Variants in GNA15 observed in about 807,000 individuals in gnomAD.
The protein encoded by GNA15 is guanine nucleotide-binding protein subunit alpha-15.
GNA15 carries 23 observed loss-of-function variants against 40.1 expected under a neutral mutation model. That is an observed-to-expected ratio of 0.57 (90% CI 0.41 to 0.81). The LOEUF is 0.81. Ranked by LOEUF, GNA15 falls within the 40% of genes least tolerant of loss-of-function variation. The pLI, the probability that GNA15 is intolerant of heterozygous loss-of-function variation, is 0.00. For missense variants in GNA15, 522 were observed against 515.8 expected (o/e 1.01, Z -0.12); for synonymous variants, 226 against 210.4 (o/e 1.07, Z -0.64).
chr19:3,144,227 AG>A (rs1914645794), intron 1 of GNA15, among the ~76,000 whole-genome samples: 2 of 151,856 alleles, frequency 1.3e-5, no homozygotes, highest in African/African-American at 4.8e-5. Context: ...GTCAAGGGCC[AG>A]CAAGCTCACA....
rs148701158 is a variant in GNA15, at chr19:3,143,514, C to T, written c.146-5077C>T. Among the ~76,000 whole-genome samples the T allele has an allele frequency of 6.3e-3, 954 of 152,048 alleles. 24 individuals carry two copies. The East Asian group carries it at 0.098, about 16-fold the overall frequency. On this transcript the variant is annotated intron_variant, in intron 1 of 6. Coordinates refer to ENST00000262958, the MANE Select transcript of GNA15 (RefSeq NM_002068.4). The stretch of plus-strand genomic sequence containing the variant: ...TAAAAATACAAAAATTAGCCGGACA[C>T]GGTGGTGCACACCTGTAATGACAGC...
intron 1 of GNA15, among the ~76,000 whole-genome samples, chr19:3,148,073 TTG>T: frequency 9.9e-6 from 1 of 100,662 alleles, no homozygotes; most frequent in Non-Finnish European, 2.1e-5. Context: ...GGTCCATGTT[TTG>T]TTTTTTTTGT....
chr19:3,156,163 G>GACACACACACAC (rs141415003), intron 5 of GNA15, among the ~76,000 whole-genome samples: 145 of 136,036 alleles, frequency 1.1e-3, no homozygotes, highest in African/African-American at 3.8e-3. Flanking sequence ...CAGGACCCCA[G>GACACACACACAC]ACACACACAC....
chr19:3,138,552 G>C (rs1253436968), intron 1 of GNA15, among the ~76,000 whole-genome samples: 3 of 152,368 alleles, frequency 2.0e-5, no homozygotes, highest in East Asian at 3.9e-4. Context: ...GAAAGAGAGA[G>C]AACATCGAGT....
intron 2 of GNA15, chr19:3,149,374 C>A (rs1914823196): frequency 6.4e-6 from 1 of 157,272 alleles, no homozygotes; most frequent in Non-Finnish European, 1.4e-5. Context: ...CACAAGGATA[C>A]ACACATGCCT....
At chr19:3,160,808 T>C (rs1294329660) in intron 6 of GNA15, among the ~76,000 whole-genome samples, 1 of 152,152 alleles carries the variant, frequency 6.6e-6, no homozygotes, top group Non-Finnish European at 1.5e-5. Context: ...CCTTAGCTTG[T>C]AGACATATCA....
intron 2 of GNA15, 189 bp downstream of exon 2, chr19:3,148,964 C>A (rs1440329279): frequency 3.3e-6 from 2 of 597,022 alleles, no homozygotes; most frequent in Non-Finnish European, 3.0e-6. Context: ...CATACAAGTG[C>A]ACACACAAGT....
At position 3,136,405 on chromosome 19, in the gene GNA15, G is replaced by A. The variant is rs905321287; in HGVS notation, c.-46G>A. 6 of 1,535,472 alleles carry A rather than the reference G, an allele frequency of 3.9e-6. No individual in the cohort carries two copies. The highest frequency in any genetic ancestry group is 4.4e-6 in the Non-Finnish European group (5 of 1,139,506). On this transcript the variant is annotated 5_prime_UTR_variant, in exon 1 of 7. Transcript: ENST00000262958. This position sits in a 1 kb window ranked among gnomAD's most constrained non-coding sequence, Gnocchi z 4.9. ...GGCTGGGGGTTGCCCTGGCCAGCAG[G>A]GGCCCGGGGGCGATGCCACCCGGTG...
chr19:3,149,032 GAC>G (rs34935312), intron 2 of GNA15: 4 of 403,764 alleles, frequency 9.9e-6, no homozygotes, highest in Non-Finnish European at 1.7e-5. Flanking sequence ...TGCACACAAG[GAC>G]ACACACGTAC....
In GNA15 at chr19:3,155,589, A is replaced by G. The variant is rs1914992274; in HGVS notation, c.615-234A>G. Among the ~76,000 whole-genome samples the G allele has an allele frequency of 1.3e-5, 2 of 152,206 alleles. No individual in the cohort carries two copies. ...GGGTAGAAAGCAGGCAGCCCAGCAC[A>G]GTAGAAGCTTGGGAAAGTCCCCGCT... On this transcript the variant is annotated intron_variant, in intron 4 of 6. Transcript: ENST00000262958. The surrounding 1 kb of genome is among the most constrained non-coding windows in gnomAD (Gnocchi z 5.6).
intron 2 of GNA15, chr19:3,149,302 AACAC>A (rs758095370): frequency 2.5e-5 from 4 of 159,680 alleles, no homozygotes; most frequent in Non-Finnish European, 5.5e-5. Flanking sequence ...CACATACACA[AACAC>A]ACACAAGCAT....
intron 1 of GNA15, among the ~76,000 whole-genome samples, chr19:3,139,430 T>A (rs983220243): frequency 5.3e-5 from 8 of 151,458 alleles, no homozygotes; most frequent in African/African-American, 1.2e-4. Context: ...CTAAAAAAAA[T>A]AAATAAATAA....
intron 6 of GNA15, among the ~76,000 whole-genome samples, chr19:3,160,635 T>G (rs1449840780): frequency 6.6e-6 from 1 of 152,158 alleles, no homozygotes; most frequent in Non-Finnish European, 1.5e-5. Context: ...TGCCTTCATG[T>G]CCTGGGGATG....
In GNA15 at chr19:3,148,731, G is replaced by T; in HGVS notation, c.286G>T (p.Ala96Ser). ...CGTGTCCATGCGGGCCATGATCGAG[G>T]CCATGGAGCGGCTGCAGATTCCATT... is the stretch of plus-strand genomic sequence containing the variant. ...IFVSMRAMIE[A>S]MERLQIPFSR... Residue 96 changes from alanine to serine, a missense_variant, in exon 2 of 7, where the codon GCC becomes TCC. Physicochemically the swap from Ala to Ser is moderately conservative, Grantham distance 99 (BLOSUM62 1). Transcript: ENST00000262958. 1 of 1,603,742 alleles carries T rather than the reference G, an allele frequency of 6.2e-7. No homozygotes were observed. The highest frequency in any genetic ancestry group is 8.5e-7 in the Non-Finnish European group (1 of 1,175,648).
chr19:3,151,129 C>A lies in GNA15; in HGVS notation c.486-578C>A, dbSNP rs963413211. ...GGAGTGACCCTATTCCTGGCGGGAA[C>A]CTGTTCCTAGAGTGCCCCTGTTTTA... On this transcript the variant is annotated intron_variant, in intron 3 of 6. Transcript: ENST00000262958. The surrounding 1 kb of genome is among the most constrained non-coding windows in gnomAD (Gnocchi z 5.0). 6.6e-6 allele frequency among the ~76,000 whole-genome samples: 1 copy of A among 151,246 alleles called. No homozygotes were observed. The highest frequency in any genetic ancestry group is 2.1e-4 in the South Asian group (1 of 4,794).
At position 3,151,260 on chromosome 19, in the gene GNA15, T is replaced by C. The variant is rs1914875739; in HGVS notation, c.486-447T>C. On this transcript the variant is annotated intron_variant, in intron 3 of 6. Transcript: ENST00000262958. The surrounding 1 kb of genome is among the most constrained non-coding windows in gnomAD (Gnocchi z 5.0). ...TCCTGGGGGGACCCTGTTCCTAAAG[T>C]GACCCTGTTTTAGGGGGGACTCTGT... 6.6e-6 allele frequency among the ~76,000 whole-genome samples: 1 copy of C among 151,756 alleles called. No homozygotes were observed. Among genetic ancestry groups the C allele is most frequent in the African/African-American group, 2.4e-5 (1 of 41,288 alleles).
At position 3,163,460 on chromosome 19, in the gene GNA15, C is replaced by T. The variant is rs140696501; in HGVS notation, c.*441C>T. The T allele has an allele frequency of 3.9e-4, 76 of 193,624 alleles. No individual in the cohort carries two copies. The highest frequency in any genetic ancestry group is 1.6e-3 in the African/African-American group (70 of 42,716). The allele number at this position is 193,624 out of a possible 1,614,324, so 12.0% of individuals were successfully genotyped here. On this transcript the variant is annotated 3_prime_UTR_variant, in exon 7 of 7. Coordinates refer to ENST00000262958, the MANE Select transcript of GNA15 (RefSeq NM_002068.4). The stretch of plus-strand genomic sequence containing the variant: ...GCCTTCGGGCGTGGACTCTGGCGCA[C>T]TCTAGTGGACAGGAGAAGGAACGCC...
At chr19:3,144,893 A>G (rs1005397513) in intron 1 of GNA15, among the ~76,000 whole-genome samples, 9 of 150,490 alleles carry the variant, frequency 6.0e-5, no homozygotes, top group African/African-American at 2.2e-4. Context: ...CAGTGGCATG[A>G]TCTCGGCTCA....
chr19:3,149,945 G>T (rs1914836815), intron 2 of GNA15, 186 bp from the exon 3 acceptor site: 2 of 552,520 alleles, frequency 3.6e-6, no homozygotes, highest in East Asian at 3.3e-5. Flanking sequence ...TCCCTCTGGG[G>T]ATCCATGCAA....
Sources: gnomAD v4.1 joint callset for allele counts (sites outside exome capture counted in the v4.1 genomes callset) on GRCh38, gnomAD v4.1.1 for gene constraint, Gnocchi (gnomAD v3.1) non-coding constraint, MANE v1.5 for transcripts, NCBI Gene and HGNC (gene_info 2026-07-23, HGNC 2026-07-21) for gene names.